Variants in NR5A2 observed in about 807,000 individuals in gnomAD.
NR5A2 encodes the protein CYP7A promoter-binding factor.
In NR5A2, 26 loss-of-function variants were observed where a neutral mutation model predicts 62.7. The ratio of observed to expected loss-of-function variants is 0.41; its 90% CI spans 0.30 to 0.58. NR5A2 has a LOEUF of 0.58. NR5A2 is among the 20% of genes least tolerant of loss of function. NR5A2 has a pLI of 0.22. For missense variants in NR5A2, 541 were observed against 669.1 expected, an observed-to-expected ratio of 0.81 and a Z score of 2.11; for synonymous variants, 246 against 241.7, an observed-to-expected ratio of 1.02 and a Z score of -0.16.
chr1:200,046,648 A>G (rs780668591), intron 4 of NR5A2, among the ~76,000 whole-genome samples: 12 of 152,320 alleles, frequency 7.9e-5, no homozygotes, highest in Non-Finnish European at 1.5e-4. Context: ...TAATGTCAGT[A>G]TCATTTTTAA....
chr1:200,101,341 T>C (rs919095626), intron 5 of NR5A2, among the ~76,000 whole-genome samples: 1 of 152,210 alleles, frequency 6.6e-6, no homozygotes, highest in African/African-American at 2.4e-5. Context: ...TCTGAGAAGA[T>C]AAATGATTCC....
chr1:200,101,295 T>C (rs1376203956), intron 5 of NR5A2, among the ~76,000 whole-genome samples: 1 of 152,204 alleles, frequency 6.6e-6, no homozygotes, highest in Non-Finnish European at 1.5e-5. Context: ...CTAATATATG[T>C]TGTTCGCTTT....
At chr1:200,161,415 T>TA (rs1653635935) in intron 7 of NR5A2, among the ~76,000 whole-genome samples, 2 of 152,186 alleles carry the variant, frequency 1.3e-5, no homozygotes, top group South Asian at 4.1e-4. Flanking sequence ...TAAACCCCTT[T>TA]AGTATAGCAT....
intron 7 of NR5A2, among the ~76,000 whole-genome samples, chr1:200,135,350 G>A (rs571739304): frequency 3.3e-5 from 5 of 152,058 alleles, no homozygotes; most frequent in East Asian, 1.9e-4. Flanking sequence ...GTGAAACCCC[G>A]TCTCTACTAA....
chr1:200,151,470 A>G (rs982314509), intron 7 of NR5A2, among the ~76,000 whole-genome samples: 1 of 152,244 alleles, frequency 6.6e-6, no homozygotes, highest in Non-Finnish European at 1.5e-5. Flanking sequence ...TACTGTGTAC[A>G]TCAAGTAAAG....
chr1:200,057,557 C>A, intron 5 of NR5A2: 1 of 321,394 alleles, frequency 3.1e-6, no homozygotes, highest in Non-Finnish European at 6.3e-6. Flanking sequence ...TGGCTCATGG[C>A]AACCTCCACC....
intron 6 of NR5A2, among the ~76,000 whole-genome samples, chr1:200,113,745 G>A (rs1169137966): frequency 6.6e-6 from 1 of 152,042 alleles, no homozygotes; most frequent in Non-Finnish European, 1.5e-5. Flanking sequence ...GTGTAAAAAT[G>A]GGAAAATTAG....
At chr1:200,165,010 G>A (rs948637206) in intron 7 of NR5A2, among the ~76,000 whole-genome samples, 1 of 151,168 alleles carries the variant, frequency 6.6e-6, no homozygotes, top group Non-Finnish European at 1.5e-5. Flanking sequence ...CCGAGTAGCT[G>A]GGATTACAGG....
chr1:200,174,893 G>A lies in NR5A2; in HGVS notation c.*683G>A, dbSNP rs1013551504. ...GCTTGCCATTTTAAATATGTTCTGA[G>A]GGTTGTTTTGTCTCGTGTTCATGAT... On this transcript the variant is annotated 3_prime_UTR_variant, in exon 8 of 8. Transcript: ENST00000367362. 1 of 152,568 alleles carries A rather than the reference G, an allele frequency of 6.6e-6. No homozygotes were observed. Among genetic ancestry groups the A allele is most frequent in the Non-Finnish European group, 1.5e-5 (1 of 68,018 alleles). The allele number at this position is 152,568 out of a possible 1,614,324, so 9.5% of individuals were successfully genotyped here.
At position 200,147,753 on chromosome 1, in the gene NR5A2, GATGCCGGCGCGA is replaced by G. The variant is rs1235147209; in HGVS notation, c.1379-26201_1379-26190del. On this transcript the variant is annotated intron_variant, in intron 7 of 7. Transcript: ENST00000367362. This position sits in a 1 kb window ranked among gnomAD's most constrained non-coding sequence, Gnocchi z 4.9. ...CTCCCACGTCCACGGTGAAGACGCG[GATGCCGGCGCGA>G]ATGCCGGCACGGATGCCGGCACGGT... is the stretch of plus-strand genomic sequence containing the variant. 4.3e-5 allele frequency: 23 copies of G among 537,454 alleles called. No homozygotes were observed. Among genetic ancestry groups the G allele is most frequent in the African/African-American group, 2.9e-4 (15 of 51,578 alleles). 33.3% of individuals were successfully genotyped at this position (537,454 alleles called of 1,614,324 possible). A position where few individuals can be genotyped will look rare whatever the true frequency, so the allele number is the denominator to read the frequency against.
At position 200,043,905 on chromosome 1, in the gene NR5A2, A is replaced by C; in HGVS notation, c.321+13A>C. 1 of 1,512,690 alleles carries C rather than the reference A, an allele frequency of 6.6e-7. No individual in the cohort carries two copies. The highest frequency in any genetic ancestry group is 9.2e-7 in the Non-Finnish European group (1 of 1,092,054). The allele number at this position is 1,512,690 out of a possible 1,614,324, so 93.7% of individuals were successfully genotyped here. A position where few individuals can be genotyped will look rare whatever the true frequency, so the allele number is the denominator to read the frequency against. On this transcript the variant is annotated intron_variant, in intron 3 of 7. Transcript: ENST00000367362. ...TGAAAGCTGCAAGGTTTGCTCACAC[A>C]TTGCTACCTGAAAAATATAATGTCC...
intron 5 of NR5A2, among the ~76,000 whole-genome samples, chr1:200,056,758 T>C (rs2737645): frequency 0.3 from 46,300 of 151,958 alleles, 9,172 homozygotes; most frequent in African/African-American, 0.57. Context: ...TGTTCACATG[T>C]CTTATGAGCG....
intron 5 of NR5A2, among the ~76,000 whole-genome samples, chr1:200,106,755 G>A (rs767545489): frequency 5.9e-5 from 9 of 152,126 alleles, no homozygotes; most frequent in Non-Finnish European, 8.8e-5. Flanking sequence ...CCATAACTCT[G>A]TTTTTCTTAA....
In NR5A2 at chr1:200,145,529, C is replaced by T. The variant is rs529739207; in HGVS notation, c.1378+24574C>T. Among the ~76,000 whole-genome samples the T allele has an allele frequency of 1.2e-4, 18 of 149,322 alleles. 2 individuals are homozygous for T. In the South Asian group the frequency reaches 3.6e-3, roughly 30 times the overall value. On this transcript the variant is annotated intron_variant, in intron 7 of 7. Coordinates refer to ENST00000367362, the MANE Select transcript of NR5A2 (RefSeq NM_205860.3). ...GTGTGTGTGTGTTATAAAGGTGACT[C>T]AACATTTAAAATCAAGAGAATCCAC...
At chr1:200,159,572 G>T (rs1653542008) in intron 7 of NR5A2, among the ~76,000 whole-genome samples, 1 of 151,688 alleles carries the variant, frequency 6.6e-6, no homozygotes, top group Non-Finnish European at 1.5e-5. Flanking sequence ...CAAATAAACT[G>T]GTTATTTTGT....
chr1:200,126,019 T>A (rs1344137135), intron 7 of NR5A2, among the ~76,000 whole-genome samples: 3 of 152,010 alleles, frequency 2.0e-5, no homozygotes, highest in Non-Finnish European at 4.4e-5. Context: ...GCTAATTTTT[T>A]AATTTTTTTA....
intron 5 of NR5A2, among the ~76,000 whole-genome samples, chr1:200,064,848 T>C (rs145887236): frequency 1.1e-4 from 17 of 152,356 alleles, no homozygotes; most frequent in African/African-American, 3.8e-4. Context: ...ACAGACCTTT[T>C]TCCTCTAGGT....
chr1:200,079,595 GGA>G (rs2102232193), intron 5 of NR5A2, among the ~76,000 whole-genome samples: 1 of 152,314 alleles, frequency 6.6e-6, no homozygotes, highest in African/African-American at 2.4e-5. Flanking sequence ...GAGACATTCT[GGA>G]GTTCCTGCAT....
intron 3 of NR5A2, 120 bp downstream of exon 3, chr1:200,044,012 G>T: frequency 7.8e-6 from 5 of 639,764 alleles, no homozygotes; most frequent in Non-Finnish European, 1.4e-5. Context: ...AAATGAGGGA[G>T]AAAGAGAGAG....
Sources: allele counts gnomAD v4.1 joint callset (sites outside exome capture counted in the v4.1 genomes callset), GRCh38; gene constraint gnomAD v4.1.1; non-coding constraint Gnocchi (gnomAD v3.1); transcripts MANE v1.5; gene names NCBI Gene and HGNC (gene_info 2026-07-23, HGNC 2026-07-21).